The following FRMD4A variants were observed in gnomAD, a reference collection of about 807,000 sequenced individuals.
FRMD4A encodes the protein FERM domain-containing protein 4A.
A neutral mutation model predicts 129.1 loss-of-function variants in FRMD4A; 29 were observed. The ratio of observed to expected loss-of-function variants is 0.22; its 90% CI spans 0.17 to 0.31. The LOEUF (loss-of-function observed/expected upper bound fraction) is 0.31. Among genes scored for constraint, FRMD4A ranks in the 10% least tolerant of loss-of-function variants. The pLI is 1.00. For synonymous variants in FRMD4A, 634 were observed against 571.6 expected (o/e 1.11, Z -1.56); for missense variants, 1,272 against 1,375.8 (o/e 0.92, Z 1.19).
intron 21 of FRMD4A, among the ~76,000 whole-genome samples, chr10:13,657,789 T>G (rs77641198): frequency 3.5e-3 from 121 of 34,726 alleles, no homozygotes; most frequent in African/African-American, 0.014. Context: ...GATTTCTGGG[T>G]TTTTTTTTTT....
chr10:14,005,204 A>C (rs1002237261), intron 2 of FRMD4A, among the ~76,000 whole-genome samples: 1 of 151,946 alleles, frequency 6.6e-6, no homozygotes, highest in Non-Finnish European at 1.5e-5. Flanking sequence ...TTTGTATTTT[A>C]GTACAGACAG....
chr10:14,102,006 T>C (rs1324504365), intron 2 of FRMD4A, among the ~76,000 whole-genome samples: 3 of 152,228 alleles, frequency 2.0e-5, no homozygotes, highest in African/African-American at 7.2e-5. Flanking sequence ...GTCCAACCCG[T>C]AGACTACCAT....
intron 2 of FRMD4A, among the ~76,000 whole-genome samples, chr10:14,315,619 A>G (rs576355460): frequency 1.3e-5 from 2 of 152,334 alleles, no homozygotes; most frequent in African/African-American, 4.8e-5. Context: ...CATTGTTTAC[A>G]AGATATGGAT....
chr10:14,007,566 G>A (rs7905580), intron 2 of FRMD4A: 29,642 of 153,024 alleles, frequency 0.19, 3,422 homozygotes, highest in East Asian at 0.45. Context: ...TATTTGGGGG[G>A]AAAAAAGCAT....
chr10:14,297,345 T>TA lies in FRMD4A; in HGVS notation c.45+32712dup, dbSNP rs1410511372. ...ACTTCCATCCTTATTCCTGCAGCTC[T>TA]AATCATATCACAGTGTCCAGAAGGA... On this transcript the variant is annotated intron_variant, in intron 2 of 24. Transcript: ENST00000357447. Among the ~76,000 whole-genome samples, 20 of 152,222 alleles carry TA rather than the reference T, an allele frequency of 1.3e-4. 2 individuals carry two copies. In the South Asian group the frequency reaches 4.1e-3, roughly 32 times the overall value.
At chr10:13,733,379 G>A (rs1039156736) in intron 12 of FRMD4A, among the ~76,000 whole-genome samples, 4 of 152,166 alleles carry the variant, frequency 2.6e-5, no homozygotes, top group Non-Finnish European at 5.9e-5. Flanking sequence ...GGGTGGGGGG[G>A]TACCCCTAGA....
intron 3 of FRMD4A, among the ~76,000 whole-genome samples, chr10:13,836,565 A>G (rs964820262): frequency 8.5e-5 from 13 of 152,144 alleles, no homozygotes; most frequent in African/African-American, 3.1e-4. Context: ...TAGGTCTCAC[A>G]TGGTCTTGAC....
At chr10:13,746,929 A>G (rs1211896216) in intron 9 of FRMD4A, among the ~76,000 whole-genome samples, 2 of 152,188 alleles carry the variant, frequency 1.3e-5, no homozygotes, top group African/African-American at 4.8e-5. Context: ...GGGCCGACAG[A>G]TGAGCTATGG....
chr10:14,017,849 C>G (rs952304725), intron 2 of FRMD4A, among the ~76,000 whole-genome samples: 1 of 152,188 alleles, frequency 6.6e-6, no homozygotes, highest in Admixed American at 6.5e-5. Context: ...GAAAGACAGT[C>G]TCTTTGAAGC....
At chr10:13,806,542 C>T (rs541831014) in intron 4 of FRMD4A, among the ~76,000 whole-genome samples, 1 of 152,282 alleles carries the variant, frequency 6.6e-6, no homozygotes, top group Admixed American at 6.5e-5. Flanking sequence ...TGCTAGACCC[C>T]AACATTCAAC....
intron 2 of FRMD4A, among the ~76,000 whole-genome samples, chr10:14,032,542 G>A (rs1035301405): frequency 6.6e-5 from 10 of 152,162 alleles, no homozygotes; most frequent in Non-Finnish European, 1.2e-4. Context: ...CGCAAGTAGC[G>A]CTATCCACAC....
chr10:13,696,743 C>T (rs796990813), intron 14 of FRMD4A, among the ~76,000 whole-genome samples: 9 of 62,308 alleles, frequency 1.4e-4, no homozygotes, highest in African/African-American at 8.4e-4. Context: ...TAGAGTGAGA[C>T]TGTCTAAAAA....
intron 22 of FRMD4A, chr10:13,655,435 G>C (rs1033337906): frequency 6.6e-6 from 1 of 152,108 alleles, no homozygotes; most frequent in Non-Finnish European, 1.5e-5. Context: ...AATTTCACTG[G>C]GCTATTTTAC....
chr10:13,656,781 G>T lies in FRMD4A; in HGVS notation c.2808C>A (p.Thr936=). ...DELRQWYQRS[T]ASHKEHSRLS... ...GGCGGCTGTGCTCCTTGTGCGAGGC[G>T]GTGGAACGCTGGTACCACTGGCGCA... Residue 936 remains threonine, a synonymous_variant, in exon 22 of 25, where the codon ACC becomes ACA. Coordinates refer to ENST00000357447, the MANE Select transcript of FRMD4A (RefSeq NM_018027.5). The T allele has an allele frequency of 1.3e-6, 2 of 1,596,370 alleles. No homozygotes were observed.
chr10:13,784,007 G>A (rs529900227), intron 5 of FRMD4A, among the ~76,000 whole-genome samples: 5 of 152,280 alleles, frequency 3.3e-5, no homozygotes, highest in Admixed American at 3.3e-4. Flanking sequence ...ACTAGGAGTT[G>A]AAAGGAAGAG....
chr10:14,131,682 C>A (rs1839268726), intron 2 of FRMD4A, among the ~76,000 whole-genome samples: 1 of 152,140 alleles, frequency 6.6e-6, no homozygotes, highest in Admixed American at 6.5e-5. Context: ...ATTTTAAAAT[C>A]TTGACTCAGG....
intron 9 of FRMD4A, among the ~76,000 whole-genome samples, chr10:13,741,317 G>A (rs924153848): frequency 6.6e-6 from 1 of 152,122 alleles, no homozygotes; most frequent in Non-Finnish European, 1.5e-5. Flanking sequence ...CAGGCATGGT[G>A]GGGTATGCCT....
At chr10:13,831,656 T>C (rs1176257414) in intron 3 of FRMD4A, among the ~76,000 whole-genome samples, 1 of 152,220 alleles carries the variant, frequency 6.6e-6, no homozygotes, top group East Asian at 1.9e-4. Flanking sequence ...AGATGGTGTA[T>C]GGGACATGTA....
intron 2 of FRMD4A, among the ~76,000 whole-genome samples, chr10:14,055,299 G>A (rs1285884346): frequency 6.6e-6 from 1 of 152,126 alleles, no homozygotes; most frequent in Non-Finnish European, 1.5e-5. Context: ...TGGTGGATCT[G>A]GTCTTTCCAG....
Sources: allele counts gnomAD v4.1 joint callset (sites outside exome capture counted in the v4.1 genomes callset), GRCh38; gene constraint gnomAD v4.1.1; transcripts MANE v1.5; gene names NCBI Gene and HGNC (gene_info 2026-07-23, HGNC 2026-07-21).